Variants in NFIA observed in about 807,000 individuals in gnomAD.
The protein encoded by NFIA is nuclear factor I A, also known as nuclear factor 1 A-type.
A neutral mutation model predicts 62.8 loss-of-function variants in NFIA; 8 were observed. The ratio of observed to expected loss-of-function variants is 0.13; its 90% CI spans 0.07 to 0.23. NFIA has a LOEUF of 0.23. Ranked by LOEUF, NFIA falls within the 10% of genes least tolerant of loss-of-function variation. The pLI is 1.00. For synonymous variants in NFIA, 235 were observed against 238.1 expected (o/e 0.99, Z 0.12); for missense variants, 410 against 642.1 (o/e 0.64, Z 3.91).
intron 6 of NFIA, among the ~76,000 whole-genome samples, chr1:61,373,266 CATA>C (rs1457065282): frequency 1.3e-5 from 2 of 152,206 alleles, no homozygotes; most frequent in East Asian, 3.9e-4. Context: ...AATGCTTTGC[CATA>C]ATAAGATTTA....
chr1:61,154,992 C>A (rs1472110109), intron 2 of NFIA, among the ~76,000 whole-genome samples: 1 of 152,178 alleles, frequency 6.6e-6, no homozygotes, highest in Non-Finnish European at 1.5e-5. Flanking sequence ...GGGTTTAATT[C>A]TGTCTTGGTT....
intron 6 of NFIA, among the ~76,000 whole-genome samples, chr1:61,369,781 CATATATAA>C (rs1475625209): frequency 6.6e-6 from 1 of 152,030 alleles, no homozygotes; most frequent in East Asian, 1.9e-4. Flanking sequence ...TATATGCACA[CATATATAA>C]ATATATATGT....
At chr1:61,205,105 A>G (rs1652809062) in intron 2 of NFIA, among the ~76,000 whole-genome samples, 1 of 152,188 alleles carries the variant, frequency 6.6e-6, no homozygotes, top group Non-Finnish European at 1.5e-5. Context: ...AGGTAATACT[A>G]TTATTATCTA....
intron 9 of NFIA, among the ~76,000 whole-genome samples, chr1:61,421,566 C>G (rs866767350): frequency 6.6e-6 from 1 of 152,160 alleles, no homozygotes; most frequent in African/African-American, 2.4e-5. Flanking sequence ...CTTCCTGCAT[C>G]TGGAAGTAAA....
chr1:61,304,934 G>A (rs1557694720), intron 3 of NFIA, among the ~76,000 whole-genome samples: 2 of 152,174 alleles, frequency 1.3e-5, no homozygotes, highest in Non-Finnish European at 2.9e-5. Context: ...TCTCATAGCA[G>A]GGGTTAAGGG....
At chr1:61,201,959 C>A (rs1382262134) in intron 2 of NFIA, among the ~76,000 whole-genome samples, 3 of 151,378 alleles carry the variant, frequency 2.0e-5, no homozygotes, top group Admixed American at 6.6e-5. Context: ...AAAAAAAAAA[C>A]ACTCAGATTC....
chr1:61,343,200 A>G (rs1469947510), intron 4 of NFIA, among the ~76,000 whole-genome samples: 1 of 152,242 alleles, frequency 6.6e-6, no homozygotes, highest in Non-Finnish European at 1.5e-5. Context: ...CTTGAGATCT[A>G]AGACTGAGCT....
rs1327510636 is a variant in NFIA, at chr1:61,200,054, ATATATATATATATG to A, written c.560-77462_560-77449del. 1.3e-3 allele frequency among the ~76,000 whole-genome samples: 67 copies of A among 53,442 alleles called. 1 individual carries two copies. Among genetic ancestry groups the A allele is most frequent in the Middle Eastern group, 0.013 (2 of 150 alleles). 35.1% of individuals were successfully genotyped at this position (53,442 alleles called of 152,430 possible). A position where few individuals can be genotyped will look rare whatever the true frequency, so the allele number is the denominator to read the frequency against. ...TATATATATATATATATATATATAT[ATATATATATATATG>A]TATGTATGTTGAGCTAGAATTATGC... On this transcript the variant is annotated intron_variant, in intron 2 of 10. Coordinates refer to ENST00000403491, the MANE Select transcript of NFIA (RefSeq NM_001134673.4).
intron 3 of NFIA, among the ~76,000 whole-genome samples, chr1:61,307,559 T>C (rs1337526810): frequency 6.6e-6 from 1 of 152,210 alleles, no homozygotes; most frequent in Non-Finnish European, 1.5e-5. Context: ...ATCAGTCACC[T>C]GGATAAGTGT....
At chr1:61,125,786 A>G (rs761572624) in intron 2 of NFIA, among the ~76,000 whole-genome samples, 2 of 152,214 alleles carry the variant, frequency 1.3e-5, no homozygotes, top group Non-Finnish European at 2.9e-5. Context: ...TGTACACATA[A>G]TATAGAAGAG....
intron 9 of NFIA, 97 bp from the exon 10 acceptor site, chr1:61,426,368 A>T: frequency 5.0e-6 from 4 of 806,256 alleles, no homozygotes; most frequent in Non-Finnish European, 8.3e-6. Context: ...TTTCCTTGTT[A>T]ATCAGCTGCG....
At chr1:61,225,746 G>T (rs1037792131) in intron 2 of NFIA, among the ~76,000 whole-genome samples, 1 of 151,940 alleles carries the variant, frequency 6.6e-6, no homozygotes, top group African/African-American at 2.4e-5. Context: ...TTTTAGATTT[G>T]TGAGTGTATG....
chr1:61,224,193 C>T (rs1421925330), intron 2 of NFIA, among the ~76,000 whole-genome samples: 1 of 151,844 alleles, frequency 6.6e-6, no homozygotes, highest in African/African-American at 2.4e-5. Context: ...AGTTTATTGT[C>T]TTGAACTTAA....
rs1668372570 is a variant in NFIA, at chr1:61,457,826, G to T, written c.*2506G>T. On this transcript the variant is annotated 3_prime_UTR_variant, in exon 11 of 11. Coordinates refer to ENST00000403491, the MANE Select transcript of NFIA (RefSeq NM_001134673.4). This position sits in a 1 kb window ranked among gnomAD's most constrained non-coding sequence, Gnocchi z 4.2. ...GTTTTTACAACTGTTCCTTTCACAA[G>T]CAAGCCTTAAAAAAAAAAAAGACAA... 6.8e-6 allele frequency: 1 copy of T among 146,536 alleles called. No individual in the cohort carries two copies. The highest frequency in any genetic ancestry group is 2.7e-5 in the African/African-American group (1 of 37,316). The allele number at this position is 146,536 out of a possible 1,614,324, so 9.1% of individuals were successfully genotyped here.
intron 3 of NFIA, among the ~76,000 whole-genome samples, chr1:61,291,632 T>G (rs1658889016): frequency 6.6e-6 from 1 of 152,224 alleles, no homozygotes; most frequent in Non-Finnish European, 1.5e-5. Flanking sequence ...GAGTGCCTGC[T>G]TCATCTTTCT....
chr1:61,184,481 G>GT (rs1250947329), intron 2 of NFIA, among the ~76,000 whole-genome samples: 1 of 152,222 alleles, frequency 6.6e-6, no homozygotes, highest in African/African-American at 2.4e-5. Context: ...ATTTTAGTAG[G>GT]TAAAAAGTCT....
At chr1:61,319,025 G>A (rs536151400) in intron 3 of NFIA, among the ~76,000 whole-genome samples, 31 of 152,254 alleles carry the variant, frequency 2.0e-4, no homozygotes, top group African/African-American at 6.0e-4. Flanking sequence ...TCATTCTGGT[G>A]GTTTCAGAGC....
intron 9 of NFIA, among the ~76,000 whole-genome samples, chr1:61,419,577 A>G (rs116403870): frequency 1.5e-4 from 23 of 152,290 alleles, no homozygotes; most frequent in Non-Finnish European, 2.9e-4. Context: ...TGCACATTAT[A>G]ACATGAATTC....
chr1:61,157,297 T>C lies in NFIA; in HGVS notation c.559+68617T>C, dbSNP rs184320855. Reference sequence around the variant, plus strand: ...GTAACATTCATAAGTTCCTTCACTTTGTAGCTCCCTCTTTCCTTCCCTCCA... The same window carrying C: ...GTAACATTCATAAGTTCCTTCACTTCGTAGCTCCCTCTTTCCTTCCCTCCA... On this transcript the variant is annotated intron_variant, in intron 2 of 10. Transcript: ENST00000403491. Among the ~76,000 whole-genome samples, 491 of 152,292 alleles carry C rather than the reference T, an allele frequency of 3.2e-3. 3 individuals are homozygous for C. The highest frequency in any genetic ancestry group is 0.011 in the African/African-American group (473 of 41,570).
Sources: allele counts gnomAD v4.1 joint callset (sites outside exome capture counted in the v4.1 genomes callset), GRCh38; gene constraint gnomAD v4.1.1; non-coding constraint Gnocchi (gnomAD v3.1); transcripts MANE v1.5; gene names NCBI Gene and HGNC (gene_info 2026-07-23, HGNC 2026-07-21).